PTPRD: variants seen among roughly 807,000 people sequenced by gnomAD.
PTPRD encodes the protein protein tyrosine phosphatase receptor type D.
Under a neutral mutation model 214.5 loss-of-function variants are expected in PTPRD, and 34 were observed. That is an observed-to-expected ratio of 0.16 (90% CI 0.12 to 0.21). The LOEUF (loss-of-function observed/expected upper bound fraction) is 0.21, where lower values mean the gene tolerates loss of function less well. PTPRD is among the 10% of genes least tolerant of loss of function. The pLI is 1.00. For missense variants in PTPRD, 2,545 were observed against 2,398.7 expected (o/e 1.06, Z -1.27); for synonymous variants, 1,128 against 845.7 (o/e 1.33, Z -5.79).
At chr9:9,295,357 T>A (rs560859395) in intron 9 of PTPRD, among the ~76,000 whole-genome samples, 1 of 151,796 alleles carries the variant, frequency 6.6e-6, no homozygotes, top group African/African-American at 2.4e-5. Flanking sequence ...CTCCCTTTTT[T>A]AATACCATTT....
At chr9:8,810,582 C>T (rs781179831) in intron 11 of PTPRD, among the ~76,000 whole-genome samples, 4 of 152,094 alleles carry the variant, frequency 2.6e-5, no homozygotes, top group Non-Finnish European at 5.9e-5. Context: ...CTTGGGTTAT[C>T]GAACACGCTC....
intron 2 of PTPRD, among the ~76,000 whole-genome samples, chr9:10,499,994 T>C (rs1034390118): frequency 6.6e-6 from 1 of 151,900 alleles, no homozygotes; most frequent in African/African-American, 2.4e-5. Context: ...TGTGCCAGCT[T>C]TCTTTCTCTG....
chr9:10,219,114 T>G (rs1387508906), intron 3 of PTPRD, among the ~76,000 whole-genome samples: 5 of 151,644 alleles, frequency 3.3e-5, no homozygotes. Context: ...AATAATAAAT[T>G]AGAAAGGACT....
chr9:9,090,031 T>C (rs2099773309), intron 10 of PTPRD, among the ~76,000 whole-genome samples: 1 of 152,238 alleles, frequency 6.6e-6, no homozygotes, highest in Non-Finnish European at 1.5e-5. Context: ...GTATTTATGA[T>C]ATTCATCACA....
chr9:10,180,348 T>A (rs1478341198), intron 3 of PTPRD, among the ~76,000 whole-genome samples: 1 of 152,000 alleles, frequency 6.6e-6, no homozygotes, highest in Non-Finnish European at 1.5e-5. Context: ...CCACATGATC[T>A]GCAACTTCCT....
intron 8 of PTPRD, among the ~76,000 whole-genome samples, chr9:9,491,771 C>A (rs919871092): frequency 2.6e-5 from 4 of 151,734 alleles, no homozygotes; most frequent in African/African-American, 9.7e-5. Flanking sequence ...TCATGTGATG[C>A]AGAAAAATTT....
chr9:8,346,928 A>G (rs1170960467), intron 39 of PTPRD, among the ~76,000 whole-genome samples: 1 of 152,160 alleles, frequency 6.6e-6, no homozygotes, highest in Admixed American at 6.5e-5. Flanking sequence ...TGCAAAAGCT[A>G]CGGCCACAGT....
intron 3 of PTPRD, among the ~76,000 whole-genome samples, chr9:10,136,188 A>G (rs1416805457): frequency 2.0e-5 from 3 of 152,086 alleles, no homozygotes; most frequent in Admixed American, 6.6e-5. Context: ...ACACCTAATT[A>G]TCCTAAATAC....
intron 10 of PTPRD, among the ~76,000 whole-genome samples, chr9:9,123,005 GTT>G (rs2099819066): frequency 6.6e-6 from 1 of 152,168 alleles, no homozygotes; most frequent in Non-Finnish European, 1.5e-5. Flanking sequence ...TAAATTCACT[GTT>G]TTTGTTGTTG....
At chr9:9,963,911 G>A (rs1205779960) in intron 4 of PTPRD, among the ~76,000 whole-genome samples, 2 of 152,162 alleles carry the variant, frequency 1.3e-5, no homozygotes, top group Non-Finnish European at 2.9e-5. Context: ...ATTTACAAAT[G>A]ATTCTACTTG....
chr9:8,617,130 C>G (rs927619351), intron 14 of PTPRD, among the ~76,000 whole-genome samples: 1 of 151,918 alleles, frequency 6.6e-6, no homozygotes, highest in African/African-American at 2.4e-5. Context: ...TTGATATAAA[C>G]CAAAATACAC....
intron 9 of PTPRD, among the ~76,000 whole-genome samples, chr9:9,192,903 T>C (rs1178131952): frequency 1.3e-5 from 2 of 152,116 alleles, no homozygotes; most frequent in Admixed American, 1.3e-4. Context: ...ATCATTTCTC[T>C]GAGAAGAGAA....
At chr9:8,676,440 T>C (rs1022724468) in intron 12 of PTPRD, among the ~76,000 whole-genome samples, 4 of 148,940 alleles carry the variant, frequency 2.7e-5, no homozygotes, top group Non-Finnish European at 5.9e-5. Context: ...TGTGGTGCAG[T>C]GGTGTGATCT....
chr9:9,230,528 C>G (rs1434387056), intron 9 of PTPRD, among the ~76,000 whole-genome samples: 5 of 152,106 alleles, frequency 3.3e-5, no homozygotes, highest in Non-Finnish European at 7.4e-5. Context: ...TATGGGAGGC[C>G]CAGGCTTGCA....
chr9:10,286,936 C>G (rs546414300), intron 3 of PTPRD, among the ~76,000 whole-genome samples: 2 of 151,964 alleles, frequency 1.3e-5, no homozygotes, highest in Non-Finnish European at 2.9e-5. Context: ...AACCCATACA[C>G]AAAAACTGAT....
intron 4 of PTPRD, among the ~76,000 whole-genome samples, chr9:9,943,684 T>A (rs982909135): frequency 1.3e-5 from 2 of 152,154 alleles, no homozygotes; most frequent in Admixed American, 1.3e-4. Flanking sequence ...AACATCTGAA[T>A]AAGAATTTGA....
At chr9:10,496,770 G>C (rs2042165934) in intron 2 of PTPRD, among the ~76,000 whole-genome samples, 2 of 151,986 alleles carry the variant, frequency 1.3e-5, no homozygotes, top group Admixed American at 6.6e-5. Context: ...AGAGGTGTGT[G>C]TTCAGGTACT....
At chr9:10,602,047 C>G (rs963818754) in intron 2 of PTPRD, among the ~76,000 whole-genome samples, 1 of 151,718 alleles carries the variant, frequency 6.6e-6, no homozygotes, top group African/African-American at 2.4e-5. Context: ...CACAAAACAA[C>G]TCAACTTTAA....
chr9:10,458,512 T>A (rs1470178550), intron 2 of PTPRD, among the ~76,000 whole-genome samples: 1 of 152,126 alleles, frequency 6.6e-6, no homozygotes, highest in Non-Finnish European at 1.5e-5. Flanking sequence ...ACAAAGCCTC[T>A]CAACAGTTTA....
Sources: allele counts gnomAD v4.1 joint callset (sites outside exome capture counted in the v4.1 genomes callset), GRCh38; gene constraint gnomAD v4.1.1; transcripts MANE v1.5; gene names NCBI Gene and HGNC (gene_info 2026-07-23, HGNC 2026-07-21).